Variants in TBC1D22A observed in about 807,000 individuals in gnomAD.
The protein encoded by TBC1D22A is putative GTPase activator.
In TBC1D22A, 38 loss-of-function variants were observed where a neutral mutation model predicts 60.2. The observed-to-expected ratio is 0.63, with a 90% CI of 0.49 to 0.83. The LOEUF is 0.83. Among genes scored for constraint, TBC1D22A ranks in the 40% least tolerant of loss-of-function variants. The probability of loss-of-function intolerance (pLI) is 0.00; values close to 1 mark genes in which losing one functional copy is unlikely to be tolerated. For synonymous variants in TBC1D22A, 302 were observed against 281.7 expected, an observed-to-expected ratio of 1.07 and a Z score of -0.72; for missense variants, 628 against 701.0, an observed-to-expected ratio of 0.90 and a Z score of 1.18.
chr22:46,865,046 C>T (rs956825087), intron 4 of TBC1D22A, among the ~76,000 whole-genome samples: 6 of 152,160 alleles, frequency 3.9e-5, no homozygotes, highest in Non-Finnish European at 5.9e-5. Context: ...TCTCACCGAA[C>T]CCACACCAGG....
At chr22:46,811,174 T>C (rs1009119268) in intron 4 of TBC1D22A, among the ~76,000 whole-genome samples, 1 of 152,202 alleles carries the variant, frequency 6.6e-6, no homozygotes, top group Non-Finnish European at 1.5e-5. Context: ...GGATGGTGAC[T>C]GGGCCATGTG....
rs533611441 is a variant in TBC1D22A at position 46,826,718 on chromosome 22, A to G, written c.637+29098A>G. Among the ~76,000 whole-genome samples the G allele has an allele frequency of 1.2e-4, 19 of 152,196 alleles. No individual in the cohort carries two copies. In the East Asian group the frequency reaches 2.9e-3, roughly 23 times the overall value. On this transcript the variant is annotated intron_variant, in intron 4 of 12. Transcript: ENST00000337137. ...CTTGCTTGAGTGCTATGGTCCTACA[A>G]AGTGAAGTGTTGTACCCATTTTAGA... is the stretch of plus-strand genomic sequence containing the variant.
intron 8 of TBC1D22A, among the ~76,000 whole-genome samples, chr22:46,941,727 G>GTATATACGGAATATATATATGCGGAATA (rs2072136995): frequency 8.5e-6 from 1 of 118,218 alleles, no homozygotes; most frequent in African/African-American, 3.8e-5. Flanking sequence ...TACGCGGAAT[G>GTATATACGGAATATATATATGCGGAATA]TATATACGGA....
chr22:47,072,282 G>T (rs967317632), intron 11 of TBC1D22A, among the ~76,000 whole-genome samples: 2 of 152,198 alleles, frequency 1.3e-5, no homozygotes, highest in Non-Finnish European at 2.9e-5. Context: ...CTGAAGCTCA[G>T]TCCCCACTCG....
At chr22:46,972,258 T>C (rs1227246988) in intron 8 of TBC1D22A, among the ~76,000 whole-genome samples, 1 of 152,204 alleles carries the variant, frequency 6.6e-6, no homozygotes, top group Non-Finnish European at 1.5e-5. Context: ...TCGCTTGTTT[T>C]CCCCTTTAAT....
intron 12 of TBC1D22A, among the ~76,000 whole-genome samples, chr22:47,148,675 G>T (rs950406697): frequency 6.8e-6 from 1 of 146,516 alleles, no homozygotes; most frequent in Non-Finnish European, 1.5e-5. Context: ...TTCCTCTCCT[G>T]GGGTCCCTCC....
At chr22:47,015,978 G>A (rs955314548) in intron 10 of TBC1D22A, among the ~76,000 whole-genome samples, 9 of 152,066 alleles carry the variant, frequency 5.9e-5, no homozygotes, top group African/African-American at 1.7e-4. Flanking sequence ...TCTCCTTGGC[G>A]TCCACTGGCC....
At chr22:47,008,117 A>G (rs1356308915) in intron 10 of TBC1D22A, among the ~76,000 whole-genome samples, 1 of 152,246 alleles carries the variant, frequency 6.6e-6, no homozygotes, top group Non-Finnish European at 1.5e-5. Context: ...GAAGCTTTAT[A>G]ATCAAGGGCA....
intron 12 of TBC1D22A, among the ~76,000 whole-genome samples, chr22:47,160,986 T>G (rs1421787606): frequency 1.3e-5 from 2 of 152,016 alleles, no homozygotes; most frequent in Non-Finnish European, 2.9e-5. Context: ...CTTTCTCAGT[T>G]CTAGAAAAAC....
chr22:46,866,225 C>G (rs141992487), intron 4 of TBC1D22A, among the ~76,000 whole-genome samples: 1 of 152,192 alleles, frequency 6.6e-6, no homozygotes, highest in African/African-American at 2.4e-5. Flanking sequence ...CTGCTTCAGC[C>G]TCCCAAGTAG....
chr22:47,123,004 T>C (rs893638277), intron 12 of TBC1D22A, among the ~76,000 whole-genome samples: 6 of 152,176 alleles, frequency 3.9e-5, no homozygotes, highest in Non-Finnish European at 5.9e-5. Context: ...GGAGAGAAGA[T>C]GGGGTTTGCA....
chr22:46,929,377 A>G (rs1397044024), intron 8 of TBC1D22A, among the ~76,000 whole-genome samples: 2 of 152,202 alleles, frequency 1.3e-5, no homozygotes, highest in Admixed American at 6.5e-5. Context: ...ATGAATACGT[A>G]TATTCTCACC....
chr22:47,152,883 C>G (rs187009824), intron 12 of TBC1D22A, among the ~76,000 whole-genome samples: 130 of 151,970 alleles, frequency 8.6e-4, no homozygotes, highest in Non-Finnish European at 1.2e-4. Flanking sequence ...GGAAGGGAGA[C>G]CCCCTGAGAG....
At chr22:46,980,803 G>A (rs1390358722) in intron 9 of TBC1D22A, among the ~76,000 whole-genome samples, 1 of 152,228 alleles carries the variant, frequency 6.6e-6, no homozygotes. Flanking sequence ...AGAAAGATGA[G>A]TTGAAACTAA....
chr22:46,904,169 A>G (rs1431780641), intron 7 of TBC1D22A, among the ~76,000 whole-genome samples: 3 of 143,902 alleles, frequency 2.1e-5, no homozygotes, highest in African/African-American at 7.7e-5. Context: ...CTACCTACCT[A>G]CCTACCAGTC....
intron 11 of TBC1D22A, among the ~76,000 whole-genome samples, chr22:47,068,086 G>A (rs986555408): frequency 6.6e-6 from 1 of 152,252 alleles, no homozygotes; most frequent in East Asian, 1.9e-4. Flanking sequence ...TGGGGAGAGG[G>A]GCTCCCCTGT....
intron 11 of TBC1D22A, among the ~76,000 whole-genome samples, chr22:47,038,206 G>A (rs750470840): frequency 6.6e-6 from 1 of 152,218 alleles, no homozygotes; most frequent in African/African-American, 2.4e-5. Flanking sequence ...AGAAAGAAGC[G>A]TATGGCTGGT....
At chr22:47,055,882 C>T (rs147033765) in intron 11 of TBC1D22A, among the ~76,000 whole-genome samples, 6 of 150,788 alleles carry the variant, frequency 4.0e-5, no homozygotes, top group African/African-American at 9.9e-5. Flanking sequence ...TGATGAGATA[C>T]GCCACTGAGG....
chr22:46,784,109 G>C (rs1241422450), intron 1 of TBC1D22A, among the ~76,000 whole-genome samples: 1 of 152,134 alleles, frequency 6.6e-6, no homozygotes, highest in African/African-American at 2.4e-5. Flanking sequence ...GCAGTGGTGC[G>C]ATCACAGCTC....
Sources: allele counts gnomAD v4.1 joint callset (sites outside exome capture counted in the v4.1 genomes callset), GRCh38; gene constraint gnomAD v4.1.1; transcripts MANE v1.5; gene names NCBI Gene and HGNC (gene_info 2026-07-23, HGNC 2026-07-21).